The following KCNN2 variants were observed in gnomAD, a reference collection of about 807,000 sequenced individuals.
KCNN2 encodes small conductance calcium-activated potassium channel protein 2.
KCNN2 carries 24 observed loss-of-function variants against 55.5 expected under a neutral mutation model. The ratio of observed to expected loss-of-function variants is 0.43; its 90% CI spans 0.31 to 0.61. The LOEUF is 0.61. KCNN2 is among the 20% of genes least tolerant of loss of function. KCNN2 has a pLI of 0.08. For synonymous variants in KCNN2, 431 were observed against 336.1 expected, an observed-to-expected ratio of 1.28 and a Z score of -3.09; for missense variants, 754 against 853.6, an observed-to-expected ratio of 0.88 and a Z score of 1.45.
At chr5:114,176,775 TACAGAACTG>T (rs1378018689) in intron 1 of KCNN2, among the ~76,000 whole-genome samples, 1 of 152,196 alleles carries the variant, frequency 6.6e-6, no homozygotes, top group Non-Finnish European at 1.5e-5. Flanking sequence ...GGATATTAGA[TACAGAACTG>T]GTTAATGTTT....
chr5:114,430,076 T>C (rs1462330573), intron 3 of KCNN2, among the ~76,000 whole-genome samples: 1 of 152,072 alleles, frequency 6.6e-6, no homozygotes, highest in East Asian at 1.9e-4. Context: ...TCTAAACTTA[T>C]TCTTCTCCTT....
At chr5:114,243,485 A>T (rs1754685102) in intron 2 of KCNN2, among the ~76,000 whole-genome samples, 1 of 202 alleles carries the variant, frequency 5.0e-3, no homozygotes, top group Admixed American at 0.1. Flanking sequence ...CCCTTTGTCC[A>T]GCGTATCCAC....
At chr5:114,461,716 G>A (rs968803474) in intron 3 of KCNN2, among the ~76,000 whole-genome samples, 1 of 151,124 alleles carries the variant, frequency 6.6e-6, no homozygotes, top group African/African-American at 2.5e-5. Flanking sequence ...AGCTTGGCAT[G>A]GGATGAGGGA....
chr5:114,286,881 T>C (rs1755765143), intron 2 of KCNN2, among the ~76,000 whole-genome samples: 1 of 152,214 alleles, frequency 6.6e-6, no homozygotes, highest in Admixed American at 6.5e-5. Flanking sequence ...CTTTAGACTA[T>C]CATGACGGAA....
intron 2 of KCNN2, among the ~76,000 whole-genome samples, chr5:114,224,010 G>A (rs1443402214): frequency 6.6e-6 from 1 of 152,176 alleles, no homozygotes; most frequent in Non-Finnish European, 1.5e-5. Context: ...AGTGTTCAGT[G>A]ATGCTGAGAA....
At chr5:114,321,945 T>C (rs1337651855) in intron 2 of KCNN2, among the ~76,000 whole-genome samples, 1 of 152,182 alleles carries the variant, frequency 6.6e-6, no homozygotes, top group African/African-American at 2.4e-5. Context: ...TCACCACACC[T>C]GGCCGTCACT....
chr5:114,490,957 C>A (rs555623321), intron 6 of KCNN2, among the ~76,000 whole-genome samples: 1 of 152,120 alleles, frequency 6.6e-6, no homozygotes, highest in South Asian at 2.1e-4. Flanking sequence ...CTTAAGCAGG[C>A]TTTTTCTATC....
intron 1 of KCNN2, among the ~76,000 whole-genome samples, chr5:114,149,787 G>A (rs1486964343): frequency 1.3e-5 from 2 of 152,234 alleles, no homozygotes; most frequent in African/African-American, 2.4e-5. Context: ...GCAAAAGCTG[G>A]TTACAAACAA....
chr5:114,067,735 C>T (rs1750480586), intron 1 of KCNN2, among the ~76,000 whole-genome samples: 1 of 152,114 alleles, frequency 6.6e-6, no homozygotes, highest in Non-Finnish European at 1.5e-5. Context: ...CCCACTCCTC[C>T]CACAGGGGTC....
At position 114,362,451 on chromosome 5, in the gene KCNN2, C is replaced by T. The variant is rs1411022054; in HGVS notation, c.312C>T (p.Ser104=). The change falls in exon 1 of 8, where the codon TCC becomes TCT. Residue 104 remains serine, a synonymous_variant. Transcript: ENST00000673685. The part of the protein sequence containing the change: ...SPGGAFRTRT[S]SPLSGSSCCC... Reference sequence around the variant, plus strand: ...GCGGCGCCTTCCGGACCCGCACCTCCTCGCCGCTGTCGGGCTCGTCCTGCT... The same window carrying T: ...GCGGCGCCTTCCGGACCCGCACCTCTTCGCCGCTGTCGGGCTCGTCCTGCT... The T allele has an allele frequency of 1.5e-5, 6 of 399,714 alleles. No individual in the cohort carries two copies. The highest frequency in any genetic ancestry group is 2.7e-5 in the Non-Finnish European group (6 of 225,314). 24.8% of individuals were successfully genotyped at this position (399,714 alleles called of 1,614,324 possible).
At chr5:114,176,786 T>C (rs180944899) in intron 1 of KCNN2, among the ~76,000 whole-genome samples, 4 of 152,210 alleles carry the variant, frequency 2.6e-5, no homozygotes, top group Non-Finnish European at 5.9e-5. Flanking sequence ...ACAGAACTGG[T>C]TAATGTTTTA....
At chr5:114,406,148 A>G (rs1200225243) in intron 3 of KCNN2, among the ~76,000 whole-genome samples, 4 of 150,522 alleles carry the variant, frequency 2.7e-5, no homozygotes, top group South Asian at 4.2e-4. Flanking sequence ...CCCCCAGCCC[A>G]TTCCAGCTTT....
At chr5:114,196,653 G>C (rs1200068119) in intron 1 of KCNN2, among the ~76,000 whole-genome samples, 1 of 151,900 alleles carries the variant, frequency 6.6e-6, no homozygotes, top group Non-Finnish European at 1.5e-5. Flanking sequence ...GTTATTCATA[G>C]TATTTCCTTA....
At chr5:114,348,627 C>A (rs1263172795) in intron 2 of KCNN2, among the ~76,000 whole-genome samples, 1 of 152,068 alleles carries the variant, frequency 6.6e-6, no homozygotes, top group Non-Finnish European at 1.5e-5. Flanking sequence ...TATTTATATA[C>A]TAAAATTCCT....
intron 2 of KCNN2, among the ~76,000 whole-genome samples, chr5:114,316,355 T>C (rs1216178713): frequency 6.6e-6 from 1 of 152,206 alleles, no homozygotes; most frequent in Non-Finnish European, 1.5e-5. Flanking sequence ...TCCTGGCCCC[T>C]GAGCTTGTAG....
At chr5:114,186,578 G>T (rs1180955987) in intron 1 of KCNN2, among the ~76,000 whole-genome samples, 1 of 152,134 alleles carries the variant, frequency 6.6e-6, no homozygotes, top group East Asian at 1.9e-4. Flanking sequence ...AATGAGGAAG[G>T]TGCCTATGTG....
At chr5:114,162,854 C>A (rs190172016) in intron 1 of KCNN2, among the ~76,000 whole-genome samples, 1 of 152,116 alleles carries the variant, frequency 6.6e-6, no homozygotes, top group Admixed American at 6.5e-5. Context: ...GTTGGAAAAG[C>A]GCAGTATTAG....
chr5:114,310,471 C>T (rs934761263), intron 2 of KCNN2, among the ~76,000 whole-genome samples: 3 of 152,136 alleles, frequency 2.0e-5, no homozygotes, highest in African/African-American at 4.8e-5. Flanking sequence ...GTATCTGATA[C>T]TTGAATAATA....
chr5:114,387,262 T>C (rs2150061107), intron 2 of KCNN2, among the ~76,000 whole-genome samples: 1 of 152,366 alleles, frequency 6.6e-6, no homozygotes, highest in African/African-American at 2.4e-5. Flanking sequence ...ATCACTGGCA[T>C]GGCTGCTTGT....
Sources: allele counts gnomAD v4.1 joint callset (sites outside exome capture counted in the v4.1 genomes callset), GRCh38; gene constraint gnomAD v4.1.1; transcripts MANE v1.5; gene names NCBI Gene and HGNC (gene_info 2026-07-23, HGNC 2026-07-21).